The following KCNIP1 variants were observed in gnomAD, a reference collection of about 807,000 sequenced individuals.
The protein encoded by KCNIP1 is potassium voltage-gated channel interacting protein 1, also known as A-type potassium channel modulatory protein KCNIP1.
A neutral mutation model predicts 33.0 loss-of-function variants in KCNIP1; 18 were observed. The ratio of observed to expected loss-of-function variants is 0.55; its 90% confidence interval spans 0.38 to 0.81. KCNIP1 has a LOEUF of 0.81. Among genes scored for constraint, KCNIP1 ranks in the 30% least tolerant of loss-of-function variants. KCNIP1 has a pLI of 0.00. For missense variants in KCNIP1, 238 were observed against 271.6 expected (o/e 0.88, Z 0.87); for synonymous variants, 93 against 98.3 (o/e 0.95, Z 0.32).
intron 1 of KCNIP1, among the ~76,000 whole-genome samples, chr5:170,471,128 T>C (rs910843009): frequency 6.6e-6 from 1 of 152,214 alleles, no homozygotes; most frequent in Non-Finnish European, 1.5e-5. Context: ...GCCTGGAATT[T>C]CTAGATTTTC....
intron 1 of KCNIP1, among the ~76,000 whole-genome samples, chr5:170,542,503 T>C (rs1184697862): frequency 6.6e-6 from 1 of 151,976 alleles, no homozygotes; most frequent in East Asian, 1.9e-4. Flanking sequence ...GAAAAGAAAA[T>C]AGGACACACA....
intron 1 of KCNIP1, among the ~76,000 whole-genome samples, chr5:170,580,413 T>C (rs748029471): frequency 2.0e-5 from 3 of 152,226 alleles, no homozygotes; most frequent in Admixed American, 6.5e-5. Context: ...GGCACTGTTA[T>C]CACTCTTATT....
At chr5:170,425,957 A>G (rs1038517886) in intron 1 of KCNIP1, among the ~76,000 whole-genome samples, 1 of 152,214 alleles carries the variant, frequency 6.6e-6, no homozygotes, top group Non-Finnish European at 1.5e-5. Context: ...GGTCCGTGGC[A>G]TGCTCTAGGA....
In KCNIP1 at chr5:170,561,159, G is replaced by C. The variant is rs779169907; in HGVS notation, c.61+56526G>C. 4.0e-4 allele frequency: 182 copies of C among 454,900 alleles called. 1 individual carries two copies. In the Admixed American group the frequency reaches 4.2e-3, roughly 11 times the overall value. The allele number at this position is 454,900 out of a possible 1,614,324, so 28.2% of individuals were successfully genotyped here. A position where few individuals can be genotyped will look rare whatever the true frequency, so the allele number is the denominator to read the frequency against. On this transcript the variant is annotated intron_variant, in intron 1 of 7. Coordinates refer to ENST00000328939, the MANE Select transcript of KCNIP1 (RefSeq NM_014592.4). ...GCTGGAGATGTGTTTATGCTCCTTC[G>C]AGGGCTGAGATGAAACACCCATAAC...
intron 1 of KCNIP1, among the ~76,000 whole-genome samples, chr5:170,671,309 C>T (rs757788813): frequency 4.6e-5 from 7 of 152,208 alleles, no homozygotes; most frequent in Admixed American, 6.5e-5. Context: ...GGCCCTAGCA[C>T]TAACCTTTGG....
intron 1 of KCNIP1, among the ~76,000 whole-genome samples, chr5:170,498,425 T>A (rs1757351344): frequency 6.6e-6 from 1 of 152,154 alleles, no homozygotes; most frequent in Non-Finnish European, 1.5e-5. Context: ...TTCCCTGCCC[T>A]CTGAAGATCT....
Position 170,680,341 on chromosome 5 carries a change from C to T in KCNIP1, c.62-38417C>T, listed in dbSNP as rs149901854. 2.6e-3 allele frequency among the ~76,000 whole-genome samples: 392 copies of T among 152,262 alleles called. 1 individual carries two copies. Among genetic ancestry groups the T allele is most frequent in the African/African-American group, 8.6e-3 (356 of 41,546 alleles). On this transcript the variant is annotated intron_variant, in intron 1 of 7. Transcript: ENST00000328939. Reference sequence around the variant, plus strand: ...CAGAGCCCAAAAGTTTAGGACATGCCGACAGCATCACTCTTTTGCCTCCTC... The same window carrying T: ...CAGAGCCCAAAAGTTTAGGACATGCTGACAGCATCACTCTTTTGCCTCCTC...
chr5:170,679,285 A>C (rs960743539), intron 1 of KCNIP1: 2 of 152,280 alleles, frequency 1.3e-5, no homozygotes, highest in African/African-American at 4.8e-5. Context: ...ATTAGTTTTC[A>C]TGAGATGCAG....
chr5:170,424,699 C>G (rs1755573894), intron 1 of KCNIP1, among the ~76,000 whole-genome samples: 1 of 152,190 alleles, frequency 6.6e-6, no homozygotes, highest in African/African-American at 2.4e-5. Flanking sequence ...TTGCCCATCT[C>G]AATCCATCAT....
At chr5:170,636,706 T>A (rs1040001221) in intron 1 of KCNIP1, among the ~76,000 whole-genome samples, 2 of 152,008 alleles carry the variant, frequency 1.3e-5, no homozygotes, top group Non-Finnish European at 2.9e-5. Context: ...AAAACAAGCA[T>A]AGAAACCAGC....
intron 1 of KCNIP1, among the ~76,000 whole-genome samples, chr5:170,429,966 C>G (rs762796255): frequency 6.6e-6 from 1 of 152,192 alleles, no homozygotes; most frequent in African/African-American, 2.4e-5. Flanking sequence ...ATTTCAGATC[C>G]TGACCTTGAT....
At chr5:170,530,167 G>A (rs1008588169) in intron 1 of KCNIP1, among the ~76,000 whole-genome samples, 8 of 152,066 alleles carry the variant, frequency 5.3e-5, no homozygotes, top group African/African-American at 1.9e-4. Context: ...CAGAGTAGGT[G>A]CTCATGGCTC....
At chr5:170,645,468 A>G (rs955239406) in intron 1 of KCNIP1, among the ~76,000 whole-genome samples, 2 of 152,216 alleles carry the variant, frequency 1.3e-5, no homozygotes, top group South Asian at 2.1e-4. Context: ...GTCAACATAC[A>G]GAAGACAAAA....
chr5:170,495,973 G>T (rs2113211836), intron 1 of KCNIP1, among the ~76,000 whole-genome samples: 1 of 152,280 alleles, frequency 6.6e-6, no homozygotes, highest in East Asian at 1.9e-4. Flanking sequence ...GAGATCCTGG[G>T]AGCCCGGAGC....
Position 170,720,325 on chromosome 5 carries a change from G to A in KCNIP1, c.191G>A (p.Cys64Tyr), listed in dbSNP as rs1025610760. The stretch of plus-strand genomic sequence containing the variant: ...GACTCTCTCCCCTTCCCACAGGAGT[G>A]CCCCAGTGGTGTGGTCAACGAAGAC... Reference protein sequence around the residue: ...QVLYRGFKNECPSGVVNEDTF... With the variant: ...QVLYRGFKNEYPSGVVNEDTF... The change falls in exon 3 of 8, where the codon TGC becomes TAC. Residue 64 changes from cysteine to tyrosine, a missense_variant. Physicochemically the swap from Cys to Tyr is radical, Grantham distance 194. Coordinates refer to ENST00000328939, the MANE Select transcript of KCNIP1 (RefSeq NM_014592.4). 2 of 1,612,846 alleles carry A rather than the reference G, an allele frequency of 1.2e-6. 1 individual carries two copies. Among genetic ancestry groups the A allele is most frequent in the Non-Finnish European group, 1.7e-6 (2 of 1,178,866 alleles).
intron 1 of KCNIP1, among the ~76,000 whole-genome samples, chr5:170,588,202 C>T (rs966070836): frequency 3.3e-5 from 5 of 152,150 alleles, no homozygotes; most frequent in South Asian, 2.1e-4. Context: ...TGCACTTTCT[C>T]GGATGGACAA....
chr5:170,469,967 G>A (rs888036690), intron 1 of KCNIP1, among the ~76,000 whole-genome samples: 1 of 152,130 alleles, frequency 6.6e-6, no homozygotes, highest in South Asian at 2.1e-4. Context: ...AGAGGTTCAC[G>A]TATTTCCTGG....
chr5:170,415,454 C>A (rs1228129029), intron 1 of KCNIP1, among the ~76,000 whole-genome samples: 2 of 152,168 alleles, frequency 1.3e-5, no homozygotes, highest in African/African-American at 2.4e-5. Flanking sequence ...AGGCACCCCC[C>A]ACCCCCAGCC....
intron 1 of KCNIP1, among the ~76,000 whole-genome samples, chr5:170,612,130 C>A (rs1216429573): frequency 6.6e-6 from 1 of 152,222 alleles, no homozygotes; most frequent in Non-Finnish European, 1.5e-5. Context: ...AACCAGCGAG[C>A]TCATGGCCCA....
Sources: allele counts gnomAD v4.1 joint callset (sites outside exome capture counted in the v4.1 genomes callset), GRCh38; gene constraint gnomAD v4.1.1; transcripts MANE v1.5; gene names NCBI Gene and HGNC (gene_info 2026-07-23, HGNC 2026-07-21).